Variants in AKAP6 observed in about 807,000 individuals in gnomAD.
The protein encoded by AKAP6 is A-kinase anchoring protein 6, also known as A-kinase anchor protein 6.
Under a neutral mutation model 188.5 loss-of-function variants are expected in AKAP6, and 58 were observed. That is an observed-to-expected ratio of 0.31 (90% CI 0.25 to 0.38). AKAP6 has a LOEUF of 0.38. Among genes scored for constraint, AKAP6 ranks in the 10% least tolerant of loss-of-function variants. The pLI, the probability that AKAP6 is intolerant of heterozygous loss-of-function variation, is 1.00. For missense variants in AKAP6, 2,710 were observed against 2,740.0 expected (o/e 0.99, Z 0.24); for synonymous variants, 989 against 998.6 (o/e 0.99, Z 0.18).
At position 32,484,630 on chromosome 14, in the gene AKAP6, G is replaced by A; in HGVS notation, c.324+50813G>A. 3 of 212,014 alleles carry A rather than the reference G, an allele frequency of 1.4e-5. 1 individual carries two copies. The highest frequency in any genetic ancestry group is 2.1e-5 in the Non-Finnish European group (3 of 145,570). The allele number at this position is 212,014 out of a possible 1,614,324, so 13.1% of individuals were successfully genotyped here. ...TTATTACAAATGCATGGGCTGTGAC[G>A]ATGACATTGTAGATGTGGTCGTTAC... On this transcript the variant is annotated intron_variant, in intron 2 of 13. Transcript: ENST00000280979.
intron 2 of AKAP6, among the ~76,000 whole-genome samples, chr14:32,467,063 G>A (rs1878500058): frequency 6.6e-6 from 1 of 151,398 alleles, no homozygotes; most frequent in Admixed American, 6.6e-5. Context: ...AAGAGTGGGA[G>A]GAGGGTACGG....
chr14:32,823,680 A>G lies in AKAP6; in HGVS notation c.5867A>G (p.Asp1956Gly). 1 of 1,613,882 alleles carries G rather than the reference A, an allele frequency of 6.2e-7. No individual in the cohort carries two copies. The highest frequency in any genetic ancestry group is 8.5e-7 in the Non-Finnish European group (1 of 1,179,916). ...NTAGKEFVSQ[D>G]VRHLPKKCPN... is the part of the protein sequence containing the mutation. Reference sequence around the variant, plus strand: ...GCTGGCAAGGAATTTGTTTCCCAAGATGTTAGACATCTTCCAAAGAAATGT... The same window carrying G: ...GCTGGCAAGGAATTTGTTTCCCAAGGTGTTAGACATCTTCCAAAGAAATGT... Residue 1956 changes from aspartate to glycine, a missense_variant, in exon 13 of 14, where the codon GAT (aspartate) becomes GGT (glycine). Asp to Gly is a moderately conservative substitution (Grantham distance 94, BLOSUM62 -1). Transcript: ENST00000280979.
At chr14:32,333,115 C>T (rs1174342020) in intron 1 of AKAP6, among the ~76,000 whole-genome samples, 1 of 152,102 alleles carries the variant, frequency 6.6e-6, no homozygotes, top group African/African-American at 2.4e-5. Flanking sequence ...TAACCTTTGT[C>T]CTAACCTGCT....
chr14:32,727,975 G>A (rs930053837), intron 9 of AKAP6, among the ~76,000 whole-genome samples: 1 of 152,108 alleles, frequency 6.6e-6, no homozygotes, highest in Non-Finnish European at 1.5e-5. Context: ...TGAAAAGCGG[G>A]GCAGCACAAG....
At chr14:32,598,532 A>G (rs1416383134) in intron 5 of AKAP6, among the ~76,000 whole-genome samples, 2 of 152,210 alleles carry the variant, frequency 1.3e-5, no homozygotes, top group Non-Finnish European at 2.9e-5. Context: ...TCCTGCAAAC[A>G]TCTATTGAAC....
intron 1 of AKAP6, among the ~76,000 whole-genome samples, chr14:32,367,856 C>T (rs976111780): frequency 6.6e-6 from 1 of 152,144 alleles, no homozygotes; most frequent in Non-Finnish European, 1.5e-5. Flanking sequence ...CTATTTACTA[C>T]TAAAAATAGT....
chr14:32,443,357 C>T (rs1195932291), intron 2 of AKAP6, among the ~76,000 whole-genome samples: 1 of 151,586 alleles, frequency 6.6e-6, no homozygotes, highest in African/African-American at 2.4e-5. Flanking sequence ...CACACCACTG[C>T]ACTCCAGCCT....
intron 11 of AKAP6, among the ~76,000 whole-genome samples, chr14:32,745,641 C>T (rs1006835464): frequency 9.2e-5 from 14 of 151,998 alleles, no homozygotes; most frequent in Admixed American, 1.3e-4. Context: ...CACTGGGTCC[C>T]GCCCAAGGCC....
intron 7 of AKAP6, among the ~76,000 whole-genome samples, chr14:32,666,029 C>A (rs1273217039): frequency 2.0e-5 from 3 of 152,068 alleles, no homozygotes; most frequent in African/African-American, 7.2e-5. Context: ...TCATAGTACG[C>A]ATCTTCTGCT....
chr14:32,551,637 G>C (rs1883469260), intron 4 of AKAP6, among the ~76,000 whole-genome samples: 1 of 141,806 alleles, frequency 7.1e-6, no homozygotes, highest in South Asian at 2.2e-4. Context: ...ACCACATTCT[G>C]TAATTTTTGT....
At chr14:32,468,423 T>C (rs999709925) in intron 2 of AKAP6, among the ~76,000 whole-genome samples, 1 of 152,158 alleles carries the variant, frequency 6.6e-6, no homozygotes, top group African/African-American at 2.4e-5. Flanking sequence ...TTTCATGTAG[T>C]AAAGGTTAGC....
At chr14:32,491,099 G>T (rs1879989789) in intron 2 of AKAP6, among the ~76,000 whole-genome samples, 2 of 152,116 alleles carry the variant, frequency 1.3e-5, no homozygotes, top group South Asian at 4.1e-4. Flanking sequence ...GATTAATTCT[G>T]ATCATCTCAA....
intron 1 of AKAP6, among the ~76,000 whole-genome samples, chr14:32,336,273 C>T (rs1374787029): frequency 6.6e-6 from 1 of 151,874 alleles, no homozygotes; most frequent in Non-Finnish European, 1.5e-5. Context: ...AGAAAGGGCT[C>T]TTGCCACCTC....
chr14:32,784,484 T>A (rs577644297), intron 12 of AKAP6, among the ~76,000 whole-genome samples: 1 of 152,278 alleles, frequency 6.6e-6, no homozygotes, highest in Admixed American at 6.5e-5. Context: ...TTATACATTG[T>A]GAGGAGACAT....
At chr14:32,463,157 G>T (rs1414473228) in intron 2 of AKAP6, among the ~76,000 whole-genome samples, 4 of 151,976 alleles carry the variant, frequency 2.6e-5, no homozygotes, top group African/African-American at 9.7e-5. Context: ...TAGTGGGAGA[G>T]TTTAACACCT....
chr14:32,674,216 T>A (rs1482281732), intron 7 of AKAP6, among the ~76,000 whole-genome samples: 1 of 152,144 alleles, frequency 6.6e-6, no homozygotes, highest in Non-Finnish European at 1.5e-5. Context: ...AGAGGGAGAC[T>A]GGTAGGAAAC....
chr14:32,392,667 T>A (rs1173885415), intron 1 of AKAP6, among the ~76,000 whole-genome samples: 1 of 152,130 alleles, frequency 6.6e-6, no homozygotes, highest in Non-Finnish European at 1.5e-5. Flanking sequence ...TAGAGCATCT[T>A]ATTACACCAG....
rs536654048 is a variant in AKAP6 at position 32,515,608 on chromosome 14, G to A, written c.325-19946G>A. On this transcript the variant is annotated intron_variant, in intron 2 of 13. Transcript: ENST00000280979. ...GAGTACAGGTCACCCATCTAGCACTGTCTTTATAGATGAGGAAACTGAGGC... is the reference window on the plus strand; with the variant it reads ...GAGTACAGGTCACCCATCTAGCACTATCTTTATAGATGAGGAAACTGAGGC... Among the ~76,000 whole-genome samples, 8 of 152,254 alleles carry A rather than the reference G, an allele frequency of 5.3e-5. No individual in the cohort carries two copies. In the East Asian group the frequency reaches 1.5e-3, roughly 29 times the overall value.
In AKAP6 at chr14:32,832,457, A is replaced by G. The variant is rs2034830662; in HGVS notation, c.*2652A>G. ...TGGAAGACCGTGCAGTATTGAAAGT[A>G]TTTGTTAATTATCTGCTTAGTATTA... On this transcript the variant is annotated 3_prime_UTR_variant, in exon 14 of 14. Transcript: ENST00000280979. 1 of 152,216 alleles carries G rather than the reference A, an allele frequency of 6.6e-6. No homozygotes were observed. The highest frequency in any genetic ancestry group is 1.5e-5 in the Non-Finnish European group (1 of 68,032). 9.4% of individuals were successfully genotyped at this position (152,216 alleles called of 1,614,324 possible). A position where few individuals can be genotyped will look rare whatever the true frequency, so the allele number is the denominator to read the frequency against.
Sources: allele counts gnomAD v4.1 joint callset (sites outside exome capture counted in the v4.1 genomes callset), GRCh38; gene constraint gnomAD v4.1.1; transcripts MANE v1.5; gene names NCBI Gene and HGNC (gene_info 2026-07-23, HGNC 2026-07-21).